LMLN: variants seen among roughly 807,000 people sequenced by gnomAD.
The protein encoded by LMLN is leishmanolysin-like peptidase.
LMLN carries 70 observed loss-of-function variants against 92.3 expected under a neutral mutation model. The observed-to-expected ratio is 0.76, with a 90% confidence interval of 0.63 to 0.92. The LOEUF (loss-of-function observed/expected upper bound fraction) is 0.92, where lower values mean the gene tolerates loss of function less well. Among genes scored for constraint, LMLN ranks in the 40% least tolerant of loss-of-function variants. The pLI, the probability that LMLN is intolerant of heterozygous loss-of-function variation, is 0.00. For missense variants in LMLN, 691 were observed against 814.6 expected, an observed-to-expected ratio of 0.85 and a Z score of 1.85; for synonymous variants, 308 against 296.2, an observed-to-expected ratio of 1.04 and a Z score of -0.41.
At chr3:197,995,994 A>G (rs1326040893) in intron 9 of LMLN, among the ~76,000 whole-genome samples, 181 bp from the exon 10 acceptor site, 1 of 152,238 alleles carries the variant, frequency 6.6e-6, no homozygotes, top group East Asian at 1.9e-4. Flanking sequence ...CTAGCAAAGA[A>G]GAGTGTGACT....
intron 11 of LMLN, among the ~76,000 whole-genome samples, chr3:198,011,412 T>G (rs913151379): frequency 2.0e-5 from 3 of 152,162 alleles, no homozygotes; most frequent in Non-Finnish European, 4.4e-5. Flanking sequence ...CTGAGAATGA[T>G]GGTTTCCAGC....
rs993152898 is a variant in LMLN, at chr3:198,002,159, C to CT, written c.1232+2827dup. Among the ~76,000 whole-genome samples, 23 of 149,792 alleles carry CT rather than the reference C, an allele frequency of 1.5e-4. No homozygotes were observed. The East Asian group carries it at 2.1e-3, about 14-fold the overall frequency. ...TGCTTTCTTTTTTCTCTTACTAGAA[C>CT]TTTTTTTTTTGAGACAAGGTCTCAC... is the stretch of plus-strand genomic sequence containing the variant. On this transcript the variant is annotated intron_variant, in intron 11 of 15. Coordinates refer to ENST00000330198, the Ensembl canonical transcript of LMLN.
In LMLN at chr3:197,989,583, T is replaced by G. The variant is rs182910270; in HGVS notation, c.930-976T>G. Reference sequence around the variant, plus strand: ...GCTTTCATTTTATCCTGTACACTTGTCAAAAGGAAGTAATTCATCGTCATC... The same window carrying G: ...GCTTTCATTTTATCCTGTACACTTGGCAAAAGGAAGTAATTCATCGTCATC... On this transcript the variant is annotated intron_variant, in intron 8 of 15. Transcript: ENST00000330198. 1.3e-4 allele frequency among the ~76,000 whole-genome samples: 20 copies of G among 152,358 alleles called. No individual in the cohort carries two copies. The East Asian group carries it at 3.7e-3, about 28-fold the overall frequency.
intron 14 of LMLN, among the ~76,000 whole-genome samples, chr3:198,033,993 T>C (rs1323363246): frequency 1.3e-5 from 2 of 152,254 alleles, no homozygotes; most frequent in African/African-American, 4.8e-5. Context: ...TATTTCAAAA[T>C]GACTTCAAAT....
chr3:197,976,265 G>A (rs1361745683), intron 4 of LMLN, 154 bp downstream of exon 4: 3 of 527,116 alleles, frequency 5.7e-6, no homozygotes, highest in African/African-American at 4.0e-5. Context: ...GAATAAAAAA[G>A]CACCTGCTGG....
exon 1 of LMLN, chr3:197,960,287 A>T (rs1401202677): frequency 1.9e-6 from 3 of 1,613,538 alleles, no homozygotes; most frequent in Non-Finnish European, 2.5e-6. Context: ...ACTCGGGCTC[A>T]GGCCCGGGCC....
intron 10 of LMLN, among the ~76,000 whole-genome samples, chr3:197,998,768 T>C (rs1722094189): frequency 6.6e-6 from 1 of 152,180 alleles, no homozygotes; most frequent in Non-Finnish European, 1.5e-5. Flanking sequence ...CATGATGATA[T>C]TTTAGACCTT....
intron 1 of LMLN, among the ~76,000 whole-genome samples, chr3:197,963,045 T>C (rs1368546423): frequency 6.6e-6 from 1 of 152,222 alleles, no homozygotes; most frequent in African/African-American, 2.4e-5. Flanking sequence ...TTGCATTTAC[T>C]CTATAGATGA....
At position 197,990,690 on chromosome 3, in the gene LMLN, G is replaced by C; in HGVS notation, c.1047+14G>C. On this transcript the variant is annotated intron_variant, in intron 9 of 15. Transcript: ENST00000330198. ...CCTCGTGTTGTTGTAAGTATTATCA[G>C]ACTTCATGTCTCATGAGCCATCTGT... The C allele has an allele frequency of 8.1e-7, 1 of 1,238,396 alleles. No individual in the cohort carries two copies. Among genetic ancestry groups the C allele is most frequent in the Non-Finnish European group, 1.2e-6 (1 of 838,618 alleles). 76.7% of individuals were successfully genotyped at this position (1,238,396 alleles called of 1,614,324 possible).
At chr3:198,021,402 A>G in intron 12 of LMLN, 44 bp from the exon 14 acceptor site, 1 of 1,587,512 alleles carries the variant, frequency 6.3e-7, no homozygotes, top group Non-Finnish European at 8.6e-7. Flanking sequence ...AATTTTATAC[A>G]GAATGTTTCT....
chr3:198,008,930 TATTTTGAG>T (rs989713518), intron 11 of LMLN, among the ~76,000 whole-genome samples: 3 of 152,236 alleles, frequency 2.0e-5, no homozygotes, highest in African/African-American at 7.2e-5. Flanking sequence ...AATTTCCAGC[TATTTTGAG>T]ATGTTCCAGC....
intron 1 of LMLN, among the ~76,000 whole-genome samples, chr3:197,968,983 A>G (rs970471842): frequency 7.9e-5 from 12 of 152,196 alleles, no homozygotes; most frequent in Admixed American, 7.9e-4. Context: ...TATGGACATG[A>G]AGTTTTTCAT....
At chr3:198,028,773 CACTT>C (rs748994509) in intron 14 of LMLN, among the ~76,000 whole-genome samples, 1 of 152,232 alleles carries the variant, frequency 6.6e-6, no homozygotes, top group Admixed American at 6.5e-5. Context: ...TTTAGTCACT[CACTT>C]CTCCCTTCGG....
At chr3:198,002,601 G>T (rs1225708055) in intron 11 of LMLN, among the ~76,000 whole-genome samples, 1 of 152,194 alleles carries the variant, frequency 6.6e-6, no homozygotes, top group Admixed American at 6.5e-5. Context: ...AGTCAGACAT[G>T]GTGGTGCATG....
At chr3:198,037,561 A>T (rs1266153772) in intron 15 of LMLN, among the ~76,000 whole-genome samples, 1 of 152,186 alleles carries the variant, frequency 6.6e-6, no homozygotes, top group Non-Finnish European at 1.5e-5. Flanking sequence ...GAGGCAGGAG[A>T]ATCACTTGAA....
At chr3:197,972,156 C>T (rs1441824345) in intron 1 of LMLN, among the ~76,000 whole-genome samples, 2 of 151,880 alleles carry the variant, frequency 1.3e-5, no homozygotes, top group East Asian at 3.9e-4. Flanking sequence ...CCACCGTCTC[C>T]CGAGTTCAAG....
At chr3:197,967,864 G>A (rs921012697) in intron 1 of LMLN, among the ~76,000 whole-genome samples, 7 of 152,252 alleles carry the variant, frequency 4.6e-5, no homozygotes, top group African/African-American at 1.7e-4. Flanking sequence ...TCATTGCTGG[G>A]AAAAGAATTT....
intron 10 of LMLN, among the ~76,000 whole-genome samples, chr3:197,996,699 T>C (rs1331449213): frequency 6.6e-6 from 1 of 152,248 alleles, no homozygotes. Flanking sequence ...TATAGAACTA[T>C]GAGCTCCGTT....
At chr3:198,009,272 C>A (rs1722372071) in intron 11 of LMLN, among the ~76,000 whole-genome samples, 1 of 152,202 alleles carries the variant, frequency 6.6e-6, no homozygotes, top group Admixed American at 6.5e-5. Flanking sequence ...TCTATTTCAT[C>A]TTGCAGTTCT....
Sources: gnomAD v4.1 joint callset for allele counts (sites outside exome capture counted in the v4.1 genomes callset) on GRCh38, gnomAD v4.1.1 for gene constraint, MANE v1.5 for transcripts, NCBI Gene and HGNC (gene_info 2026-07-23, HGNC 2026-07-21) for gene names.